PFKFB3: variants seen among roughly 807,000 people sequenced by gnomAD.
PFKFB3 encodes 6-phosphofructo-2-kinase/fructose-2,6-biphosphatase 3.
PFKFB3 carries 33 observed loss-of-function variants against 68.0 expected under a neutral mutation model. The observed-to-expected ratio is 0.49, with a 90% CI of 0.37 to 0.65. The LOEUF (loss-of-function observed/expected upper bound fraction) is 0.65, where lower values mean the gene tolerates loss of function less well. Among genes scored for constraint, PFKFB3 ranks in the 30% least tolerant of loss-of-function variants. The pLI is 0.00. For synonymous variants in PFKFB3, 315 were observed against 288.2 expected (o/e 1.09, Z -0.94); for missense variants, 586 against 712.2 (o/e 0.82, Z 2.02).
the PFKFB3 span, among the ~76,000 whole-genome samples, chr10:6,267,323 GTACGTAC>G: frequency 1.3e-5 from 2 of 152,252 alleles, no homozygotes; most frequent in Non-Finnish European, 2.9e-5. Flanking sequence ...TACCCTGGAC[GTACGTAC>G]TAATGAGTGA....
At chr10:6,289,141 C>T in the PFKFB3 span, among the ~76,000 whole-genome samples, 1 of 139,480 alleles carries the variant, frequency 7.2e-6, no homozygotes, top group Non-Finnish European at 1.6e-5. Context: ...AAATTTTCTC[C>T]CATTTTGTAG....
At chr10:6,266,476 T>G in the PFKFB3 span, among the ~76,000 whole-genome samples, 3 of 152,180 alleles carry the variant, frequency 2.0e-5, no homozygotes, top group Admixed American at 6.6e-5. Flanking sequence ...CGGTCCTAGA[T>G]CTGGTTGTAG....
chr10:6,302,370 T>G, the PFKFB3 span, among the ~76,000 whole-genome samples: 48 of 69,258 alleles, frequency 6.9e-4, 1 homozygote, highest in South Asian at 1.3e-3. Flanking sequence ...CAGTTTTTTT[T>G]TTTTTTTTTT....
intron 1 of PFKFB3, chr10:6,152,331 G>A (rs1262200250): frequency 6.6e-6 from 1 of 152,480 alleles, no homozygotes; most frequent in African/African-American, 2.4e-5. Flanking sequence ...CAAGTTCTAG[G>A]TGGTCCAAGT....
At chr10:6,273,002 CTTTTTTTTTT>C in the PFKFB3 span, among the ~76,000 whole-genome samples, 3 of 74,140 alleles carry the variant, frequency 4.0e-5, no homozygotes, top group Non-Finnish European at 8.3e-5. Flanking sequence ...AGATTGCAGG[CTTTTTTTTTT>C]TTTTTTTTTT....
At chr10:6,174,011 T>C (rs772167002) in intron 1 of PFKFB3, among the ~76,000 whole-genome samples, 2 of 151,978 alleles carry the variant, frequency 1.3e-5, no homozygotes, top group African/African-American at 4.8e-5. Flanking sequence ...GGAAAGAACA[T>C]AGATGATGTG....
chr10:6,166,458 C>T (rs961138907), intron 1 of PFKFB3, among the ~76,000 whole-genome samples: 8 of 151,936 alleles, frequency 5.3e-5, no homozygotes, highest in Non-Finnish European at 1.0e-4. Context: ...GGAATGGGTT[C>T]CTTTGTGAAC....
chr10:6,299,206 G>A, the PFKFB3 span, among the ~76,000 whole-genome samples: 62 of 152,326 alleles, frequency 4.1e-4, no homozygotes, highest in Admixed American at 1.6e-3. Context: ...CATGCACTCT[G>A]CATGCAATTT....
the PFKFB3 span, among the ~76,000 whole-genome samples, chr10:6,267,679 G>GT: frequency 6.6e-6 from 1 of 152,120 alleles, no homozygotes; most frequent in Non-Finnish European, 1.5e-5. Context: ...TACTGGCCGG[G>GT]TGCAGTGGCT....
chr10:6,262,345 TCC>T, the PFKFB3 span, among the ~76,000 whole-genome samples: 6 of 121,314 alleles, frequency 4.9e-5, no homozygotes, highest in South Asian at 1.9e-3. Context: ...TCCCAGCTGC[TCC>T]AGAGGCTGAG....
chr10:6,145,045 C>A, intron 1 of PFKFB3: 2 of 1,317,450 alleles, frequency 1.5e-6, no homozygotes, highest in Non-Finnish European at 1.9e-6. Flanking sequence ...CCCACGCCCC[C>A]AGCGCGCGCG....
chr10:6,183,039 C>G (rs1259726103), intron 1 of PFKFB3, among the ~76,000 whole-genome samples: 1 of 152,202 alleles, frequency 6.6e-6, no homozygotes, highest in Non-Finnish European at 1.5e-5. Context: ...CCATACACGC[C>G]CCAGCCCCAA....
the PFKFB3 span, chr10:6,293,991 C>A: frequency 1.9e-6 from 1 of 525,982 alleles, no homozygotes; most frequent in Non-Finnish European, 3.9e-6. Context: ...TTCATGAATC[C>A]CTTGCTTAAT....
chr10:6,251,248 A>T (rs574862418), intron 14 of PFKFB3, among the ~76,000 whole-genome samples: 5 of 152,228 alleles, frequency 3.3e-5, no homozygotes, highest in African/African-American at 1.2e-4. Flanking sequence ...ATCTTCAAAA[A>T]GTCCCTGCAT....
chr10:6,257,865 T>C (rs968992523), downstream of PFKFB3, among the ~76,000 whole-genome samples: 5 of 152,106 alleles, frequency 3.3e-5, no homozygotes, highest in Non-Finnish European at 5.9e-5. Flanking sequence ...GACTCTGGAG[T>C]GTAGATTACA....
chr10:6,288,727 GATGGCTGGGTCAA>G, the PFKFB3 span, among the ~76,000 whole-genome samples: 5,787 of 152,112 alleles, frequency 0.038, 353 homozygotes, highest in African/African-American at 0.13. Context: ...CCAGTAATGG[GATGGCTGGGTCAA>G]ATGGTATTTC....
chr10:6,264,349 T>TTC, the PFKFB3 span, among the ~76,000 whole-genome samples: 2,840 of 152,178 alleles, frequency 0.019, 94 homozygotes, highest in African/African-American at 0.065. Context: ...CATTTGATTC[T>TTC]AGAATAAGCT....
intron 1 of PFKFB3, among the ~76,000 whole-genome samples, chr10:6,163,553 G>C (rs956281594): frequency 1.3e-5 from 2 of 152,106 alleles, no homozygotes; most frequent in African/African-American, 4.8e-5. Context: ...ATCAGCTCCC[G>C]GGAGCCCCGC....
chr10:6,200,984 T>C (rs910782252), upstream of PFKFB3, among the ~76,000 whole-genome samples: 4 of 152,154 alleles, frequency 2.6e-5, no homozygotes, highest in Non-Finnish European at 4.4e-5. Flanking sequence ...TGCAAGCTTG[T>C]AGGGAGTGTG....
Sources: allele counts gnomAD v4.1 joint callset (sites outside exome capture counted in the v4.1 genomes callset), GRCh38; gene constraint gnomAD v4.1.1; transcripts MANE v1.5; gene names NCBI Gene and HGNC (gene_info 2026-07-23, HGNC 2026-07-21).